ATP5MC2: variants seen among roughly 807,000 people sequenced by gnomAD.
ATP5MC2 encodes ATP synthase F(0) complex subunit C2, mitochondrial.
Under a neutral mutation model 13.5 loss-of-function variants are expected in ATP5MC2, and 11 were observed. That is an observed-to-expected ratio of 0.81 (90% CI 0.51 to 1.35). ATP5MC2 has a LOEUF of 1.35. ATP5MC2 is among the 40% of genes most tolerant of loss of function. The pLI, the probability that ATP5MC2 is intolerant of heterozygous loss-of-function variation, is 0.00. For synonymous variants in ATP5MC2, 64 were observed against 69.7 expected, an observed-to-expected ratio of 0.92 and a Z score of 0.41; for missense variants, 132 against 175.0, an observed-to-expected ratio of 0.75 and a Z score of 1.39.
intron 2 of ATP5MC2, among the ~76,000 whole-genome samples, chr12:53,672,003 T>C (rs143878133): frequency 6.8e-6 from 1 of 145,990 alleles, no homozygotes; most frequent in Non-Finnish European, 1.5e-5. Context: ...CTGAGGCAGG[T>C]GAACTGCTTG....
At chr12:53,681,129 C>A (rs964229631), upstream of ATP5MC2, among the ~76,000 whole-genome samples, 1 of 151,678 alleles carries the variant, frequency 6.6e-6, no homozygotes, top group Admixed American at 6.5e-5. Flanking sequence ...TGGTCTCAAA[C>A]TCCTGACCTT....
chr12:53,677,469 T>C (rs1945306489), upstream of ATP5MC2: 1 of 152,242 alleles, frequency 6.6e-6, no homozygotes, highest in African/African-American at 2.4e-5. Context: ...CCAATCCATC[T>C]TGCAGGCGGG....
intron 1 of ATP5MC2, among the ~76,000 whole-genome samples, chr12:53,675,820 G>GC (rs1161188512): frequency 1.3e-5 from 2 of 152,240 alleles, no homozygotes; most frequent in Admixed American, 1.3e-4. Flanking sequence ...ACTTTGGCCA[G>GC]CTCCAAGGTA....
At chr12:53,667,879 T>C (rs1944964169) in intron 4 of ATP5MC2, among the ~76,000 whole-genome samples, 1 of 150,634 alleles carries the variant, frequency 6.6e-6, no homozygotes, top group African/African-American at 2.4e-5. Context: ...ACACATGCTC[T>C]AGACCAAAGC....
At chr12:53,667,540 A>T (rs985340065) in intron 4 of ATP5MC2, among the ~76,000 whole-genome samples, 1 of 151,894 alleles carries the variant, frequency 6.6e-6, no homozygotes, top group African/African-American at 2.4e-5. Flanking sequence ...TCTTTTGCCC[A>T]GGCTGGAGTG....
At chr12:53,677,179 C>A (rs572474543), upstream of ATP5MC2, 2 of 152,970 alleles carry the variant, frequency 1.3e-5, no homozygotes, top group South Asian at 1.8e-4. Context: ...CCCGTCCTTC[C>A]CGCCGCCCCC....
rs117736416 is a variant in ATP5MC2 at position 53,674,152 on chromosome 12, G to C, written c.-31-1507C>G. The C allele has an allele frequency of 8.5e-4, 130 of 152,334 alleles. 3 individuals carry two copies. The East Asian group carries it at 0.017, about 20-fold the overall frequency. 9.4% of individuals were successfully genotyped at this position (152,334 alleles called of 1,614,324 possible). The stretch of plus-strand genomic sequence containing the variant: ...ACTTGAAGCCAGGAGTTTGAGACCA[G>C]CCTGGGCAAACATCAAGACCTCATC... On this transcript the variant is annotated intron_variant, in intron 1 of 4. Coordinates refer to ENST00000394349, the MANE Select transcript of ATP5MC2 (RefSeq NM_005176.7).
rs1944882892 is a variant in ATP5MC2 at position 53,665,289 on chromosome 12, A to G, written c.*25T>C. The G allele has an allele frequency of 6.3e-7, 1 of 1,583,276 alleles. No homozygotes were observed. Among genetic ancestry groups the G allele is most frequent in the Admixed American group, 1.8e-5 (1 of 56,296 alleles). ...CACGGGGCCAACCAGACGCGGGAGA[A>G]CTATGGGAGGTGGAGACGGCTCCTT... On this transcript the variant is annotated 3_prime_UTR_variant, in exon 5 of 5. Coordinates refer to ENST00000394349, the MANE Select transcript of ATP5MC2 (RefSeq NM_005176.7).
At chr12:53,667,266 C>T (rs1334590838) in intron 4 of ATP5MC2, among the ~76,000 whole-genome samples, 1 of 151,952 alleles carries the variant, frequency 6.6e-6, no homozygotes, top group Non-Finnish European at 1.5e-5. Context: ...CTAAACAGTC[C>T]CAGGTGTCAG....
chr12:53,669,414 G>C, intron 3 of ATP5MC2, 73 bp from the exon 4 acceptor site: 1 of 1,485,590 alleles, frequency 6.7e-7, no homozygotes, highest in Non-Finnish European at 9.0e-7. Flanking sequence ...AACCCTTTAA[G>C]CTGCCAAATC....
chr12:53,672,026 G>A (rs544322201), intron 2 of ATP5MC2, among the ~76,000 whole-genome samples: 1 of 144,160 alleles, frequency 6.9e-6, no homozygotes, highest in Non-Finnish European at 1.5e-5. Context: ...CCCGGGAGGC[G>A]GAGGTTGTGG....
chr12:53,665,709 G>C (rs1944894342), intron 4 of ATP5MC2, among the ~76,000 whole-genome samples: 1 of 151,876 alleles, frequency 6.6e-6, no homozygotes, highest in Non-Finnish European at 1.5e-5. Context: ...CACAAATTAA[G>C]ACCTCTTGGC....
At chr12:53,669,837 C>A in intron 3 of ATP5MC2, 34 bp downstream of exon 3, 1 of 1,611,360 alleles carries the variant, frequency 6.2e-7, no homozygotes, top group South Asian at 1.1e-5. Context: ...CCCATCACCC[C>A]CAAAACCACA....
At chr12:53,675,937 G>A (rs1368880858) in intron 1 of ATP5MC2, 116 bp downstream of exon 1, 1 of 1,424,006 alleles carries the variant, frequency 7.0e-7, no homozygotes, top group African/African-American at 1.4e-5. Context: ...AAGCAAGAAA[G>A]GGCGAGAGGA....
intron 4 of ATP5MC2, among the ~76,000 whole-genome samples, chr12:53,667,997 AT>A (rs59042234): frequency 0.34 from 43,240 of 126,828 alleles, 8,011 homozygotes; most frequent in East Asian, 0.45. Flanking sequence ...ATATATATAA[AT>A]TTTTTTTTTT....
chr12:53,673,819 CAA>C (rs371072145), intron 1 of ATP5MC2: 5,002 of 130,082 alleles, frequency 0.038, 228 homozygotes, highest in African/African-American at 0.11. Context: ...GAAACTGTCT[CAA>C]AAAAAAAAAA....
chr12:53,673,323 C>G (rs1337596838), intron 1 of ATP5MC2: 1 of 149,700 alleles, frequency 6.7e-6, no homozygotes, highest in African/African-American at 2.6e-5. Context: ...CATCTCAAAA[C>G]AAACAAACAA....
intron 4 of ATP5MC2, among the ~76,000 whole-genome samples, chr12:53,667,066 C>T (rs925863129): frequency 6.6e-6 from 1 of 152,062 alleles, no homozygotes; most frequent in South Asian, 2.1e-4. Flanking sequence ...ACTCTGATAC[C>T]TCCAGAAGTC....
chr12:53,673,518 T>C (rs766288868), intron 1 of ATP5MC2: 1 of 152,188 alleles, frequency 6.6e-6, no homozygotes, highest in Non-Finnish European at 1.5e-5. Flanking sequence ...AACTCTGTTA[T>C]TAGTCTATCC....
Sources: allele counts gnomAD v4.1 joint callset (sites outside exome capture counted in the v4.1 genomes callset), GRCh38; gene constraint gnomAD v4.1.1; transcripts MANE v1.5; gene names NCBI Gene and HGNC (gene_info 2026-07-23, HGNC 2026-07-21).